The following ATM variants were observed in gnomAD, a reference collection of about 807,000 sequenced individuals.
ATM encodes the protein serine-protein kinase ATM.
ATM carries 308 observed loss-of-function variants against 387.0 expected under a neutral mutation model. The ratio of observed to expected loss-of-function variants is 0.80; its 90% CI spans 0.73 to 0.87. ATM has a LOEUF of 0.87. Ranked by LOEUF, ATM falls within the 40% of genes least tolerant of loss-of-function variation. The pLI is 0.00. For missense variants in ATM, 3,312 were observed against 3,560.9 expected, an observed-to-expected ratio of 0.93 and a Z score of 1.78; for synonymous variants, 1,156 against 1,187.3, an observed-to-expected ratio of 0.97 and a Z score of 0.54.
At chr11:108,315,175 G>A (rs2084511458) in intron 40 of ATM, among the ~76,000 whole-genome samples, 1 of 152,212 alleles carries the variant, frequency 6.6e-6, no homozygotes, top group Admixed American at 6.5e-5. Context: ...AATTATTAGT[G>A]TCACATGGCA....
At chr11:108,242,235 T>A (rs577178612) in intron 5 of ATM, among the ~76,000 whole-genome samples, 1 of 152,186 alleles carries the variant, frequency 6.6e-6, no homozygotes, top group African/African-American at 2.4e-5. Context: ...ACTATGAACA[T>A]CTATTAATTT....
chr11:108,247,118 C>G lies in ATM; in HGVS notation c.1056C>G (p.Ile352Met), dbSNP rs1555068605. The G allele has an allele frequency of 6.2e-7, 1 of 1,613,656 alleles. No individual in the cohort carries two copies. The highest frequency in any genetic ancestry group is 2.2e-5 in the East Asian group (1 of 44,800). The change falls in exon 8 of 63, where the codon ATC becomes ATG. Residue 352 changes from isoleucine (I) to methionine (M), a missense_variant. Coordinates refer to ENST00000675843, the MANE Select transcript of ATM (RefSeq NM_000051.4). ...KENLIELMADICHQVFNEDTR... is the reference protein window; with the variant it reads ...KENLIELMADMCHQVFNEDTR... ...ATTTGATTGAATTGATGGCAGATAT[C>G]TGTCACCAGGTACAGTAAGTAGGTC...
At chr11:108,232,194 T>C (rs1431964194) in intron 4 of ATM, among the ~76,000 whole-genome samples, 1 of 152,272 alleles carries the variant, frequency 6.6e-6, no homozygotes, top group Non-Finnish European at 1.5e-5. Flanking sequence ...GGTGAAATTA[T>C]CAATGCTGGT....
In ATM at chr11:108,257,593, G is replaced by A. The variant is rs1555075809; in HGVS notation, c.2363G>A (p.Ser788Asn). 1 of 1,613,692 alleles carries A rather than the reference G, an allele frequency of 6.2e-7. No homozygotes were observed. The change falls in exon 15 of 63, where the codon AGC (serine) becomes AAC (asparagine). Residue 788 changes from serine to asparagine, a missense_variant. Physicochemically the swap from Ser to Asn is conservative, Grantham distance 46. Coordinates refer to ENST00000675843, the MANE Select transcript of ATM (RefSeq NM_000051.4). ...NMMQLCTRCL[S>N]NCTKKSPNKI... Reference sequence around the variant, plus strand: ...ATGCAGCTATGTACACGTTGCTTGAGCAACTGTACCAAGGTAAGATTTTCT... The same window carrying A: ...ATGCAGCTATGTACACGTTGCTTGAACAACTGTACCAAGGTAAGATTTTCT...
intron 20 of ATM, 85 bp downstream of exon 20, chr11:108,271,491 C>T: frequency 4.1e-6 from 6 of 1,448,916 alleles, no homozygotes; most frequent in South Asian, 1.1e-5. Context: ...TCAGTGATTT[C>T]TTCTGATCTT....
rs2135547769 is a variant in ATM at position 108,271,088 on chromosome 11, C to T, written c.2863C>T (p.Pro955Ser). The T allele has an allele frequency of 6.2e-7, 1 of 1,614,046 alleles. No individual in the cohort carries two copies. Among genetic ancestry groups the T allele is most frequent in the Non-Finnish European group, 8.5e-7 (1 of 1,179,992 alleles). ...HMYLMLLKEL[P>S]GEEYPLPMED... ...GTATCTAATGCTTTTAAAGGAGCTT[C>T]CTGGAGAAGAGTACCCCTTGCCAAT... The change falls in exon 19 of 63, where the codon CCT (proline) becomes TCT (serine). Residue 955 changes from proline to serine, a missense_variant. Transcript: ENST00000675843.
chr11:108,365,381 A>G lies in ATM; in HGVS notation c.9044A>G (p.Glu3015Gly), dbSNP rs1565609065. 2 of 1,614,206 alleles carry G rather than the reference A, an allele frequency of 1.2e-6. No individual in the cohort carries two copies. Among genetic ancestry groups the G allele is most frequent in the Non-Finnish European group, 1.7e-6 (2 of 1,180,040 alleles). ...GAACGTGTCTTAATGAGACTACAAG[A>G]GAAACTGAAAGGAGTGGAAGAAGGC... ...VAERVLMRLQ[E>G]KLKGVEEGTV... The change falls in exon 63 of 63, where the codon GAG (glutamate) becomes GGG (glycine). Residue 3015 changes from glutamate to glycine, a missense_variant. Physicochemically the swap from Glu to Gly is moderately conservative, Grantham distance 98 (BLOSUM62 -2). Transcript: ENST00000675843.
intron 3 of ATM, 146 bp downstream of exon 3, chr11:108,228,034 A>G (rs1183983896): frequency 3.2e-5 from 21 of 666,588 alleles, no homozygotes; most frequent in Middle Eastern, 8.2e-4. Context: ...GGCATTTAAT[A>G]TTTATCCAAA....
At chr11:108,277,401 G>A (rs1167995122) in intron 22 of ATM, among the ~76,000 whole-genome samples, 1 of 152,156 alleles carries the variant, frequency 6.6e-6, no homozygotes, top group Non-Finnish European at 1.5e-5. Flanking sequence ...CGTTCCAGGT[G>A]CCACTGGGGT....
chr11:108,330,615 A>G (rs1299016351), intron 50 of ATM, among the ~76,000 whole-genome samples, 194 bp downstream of exon 50: 2 of 152,222 alleles, frequency 1.3e-5, no homozygotes, highest in Non-Finnish European at 2.9e-5. Context: ...TCTTGTTTCT[A>G]CAAAAGTTCC....
At chr11:108,325,072 A>G (rs1225432966) in intron 45 of ATM, among the ~76,000 whole-genome samples, 1 of 152,044 alleles carries the variant, frequency 6.6e-6, no homozygotes. Context: ...ATTTTTTTTG[A>G]TGTTTGTCAT....
intron 17 of ATM, 107 bp from the exon 18 acceptor site, chr11:108,268,303 G>T: frequency 3.1e-6 from 3 of 971,924 alleles, no homozygotes; most frequent in South Asian, 1.4e-5. Context: ...CTATAATTTT[G>T]CTTTTCATAT....
intron 61 of ATM, 27 bp downstream of exon 61, chr11:108,354,901 A>AT (rs747437337): frequency 8.9e-6 from 14 of 1,579,930 alleles, no homozygotes; most frequent in African/African-American, 2.7e-5. Flanking sequence ...GGAAGACTTT[A>AT]TTTTTTTTCT....
rs768159082 is a variant in ATM, at chr11:108,309,069, T to C, written c.5762+1085T>C. On this transcript the variant is annotated intron_variant, in intron 38 of 62. Transcript: ENST00000675843. ...ATGCTGAATAAGATCCTGAAGAATATTCCTGGAGAAAGTATGAATGGGATA... is the reference window on the plus strand; with the variant it reads ...ATGCTGAATAAGATCCTGAAGAATACTCCTGGAGAAAGTATGAATGGGATA... 2.7e-6 allele frequency: 4 copies of C among 1,482,566 alleles called. 1 individual carries two copies. In the South Asian group the frequency reaches 4.8e-5, roughly 18 times the overall value. The allele number at this position is 1,482,566 out of a possible 1,614,324, so 91.8% of individuals were successfully genotyped here.
At chr11:108,283,760 A>C (rs2082347521) in intron 25 of ATM, among the ~76,000 whole-genome samples, 1 of 152,184 alleles carries the variant, frequency 6.6e-6, no homozygotes, top group Non-Finnish European at 1.5e-5. Context: ...ACGTATATGA[A>C]AAGTCAGTCC....
At chr11:108,288,150 A>T (rs1228196352) in intron 27 of ATM, among the ~76,000 whole-genome samples, 2 of 151,672 alleles carry the variant, frequency 1.3e-5, no homozygotes, top group Non-Finnish European at 2.9e-5. Flanking sequence ...GCTCACTGCA[A>T]CCTCTGTCTT....
At position 108,364,942 on chromosome 11, in the gene ATM, T is replaced by TG. The variant is rs2091175519; in HGVS notation, c.8851-139dup. 7 of 893,812 alleles carry TG rather than the reference T, an allele frequency of 7.8e-6. No homozygotes were observed. The Admixed American group carries it at 1.6e-4, about 20-fold the overall frequency. 55.4% of individuals were successfully genotyped at this position (893,812 alleles called of 1,614,324 possible). On this transcript the variant is annotated intron_variant, in intron 61 of 62. Coordinates refer to ENST00000675843, the MANE Select transcript of ATM (RefSeq NM_000051.4). ...CTAGGATAGTTTCCTCAAGGAAACA[T>TG]GAAGTGTGCATGATGTTTGTTCCCC...
chr11:108,334,021 T>C (rs2086571405), intron 54 of ATM, 53 bp downstream of exon 54: 2 of 1,366,398 alleles, frequency 1.5e-6, no homozygotes, highest in African/African-American at 1.4e-5. Flanking sequence ...TTTTATTAGA[T>C]TGAACCATTT....
At chr11:108,345,969 T>C in intron 58 of ATM, 61 bp downstream of exon 58, 1 of 1,592,946 alleles carries the variant, frequency 6.3e-7, no homozygotes, top group Non-Finnish European at 8.6e-7. Context: ...TTTATTTTTG[T>C]TTGATTCAGC....
Sources: gnomAD v4.1 joint callset for allele counts (sites outside exome capture counted in the v4.1 genomes callset) on GRCh38, gnomAD v4.1.1 for gene constraint, MANE v1.5 for transcripts, NCBI Gene and HGNC (gene_info 2026-07-23, HGNC 2026-07-21) for gene names.